The following PALS1 variants were observed in gnomAD, a reference collection of about 807,000 sequenced individuals.
The protein encoded by PALS1 is protein associated with LIN7 1, MAGUK p55 family member.
In PALS1, 31 loss-of-function variants were observed where a neutral mutation model predicts 78.9. The observed-to-expected ratio is 0.39, with a 90% CI of 0.30 to 0.53. The LOEUF (loss-of-function observed/expected upper bound fraction) is 0.53, where lower values mean the gene tolerates loss of function less well. Among genes scored for constraint, PALS1 ranks in the 20% least tolerant of loss-of-function variants. The pLI is 0.67. For missense variants in PALS1, 704 were observed against 826.5 expected (o/e 0.85, Z 1.82); for synonymous variants, 276 against 270.9 (o/e 1.02, Z -0.18).
At chr14:67,331,467 G>A (rs756146663) in intron 14 of PALS1, among the ~76,000 whole-genome samples, 10 of 152,010 alleles carry the variant, frequency 6.6e-5, no homozygotes, top group African/African-American at 2.2e-4. Context: ...GTAACCAACC[G>A]GTTATCTAGT....
intron 14 of PALS1, among the ~76,000 whole-genome samples, chr14:67,326,269 T>C (rs1254679876): frequency 9.0e-5 from 11 of 122,704 alleles, no homozygotes; most frequent in Admixed American, 2.8e-4. Context: ...TGAGAGGAGA[T>C]TCTATATGTC....
At chr14:67,259,316 G>A (rs538436321) in intron 1 of PALS1, among the ~76,000 whole-genome samples, 3 of 152,014 alleles carry the variant, frequency 2.0e-5, no homozygotes, top group East Asian at 3.9e-4. Flanking sequence ...CTACTTTTAA[G>A]TGAGTAAGGC....
intron 9 of PALS1, among the ~76,000 whole-genome samples, chr14:67,314,961 A>G (rs2140961903): frequency 6.6e-6 from 1 of 152,234 alleles, no homozygotes; most frequent in African/African-American, 2.4e-5. Context: ...TTTAAAAATT[A>G]GCTGGGCATG....
At chr14:67,322,155 G>A (rs1442961763) in intron 13 of PALS1, among the ~76,000 whole-genome samples, 3 of 152,050 alleles carry the variant, frequency 2.0e-5, no homozygotes, top group Non-Finnish European at 4.4e-5. Context: ...AGACCAGCCT[G>A]GGCAACACGG....
chr14:67,273,530 C>T (rs1401672052), intron 2 of PALS1, among the ~76,000 whole-genome samples: 1 of 152,112 alleles, frequency 6.6e-6, no homozygotes, highest in Non-Finnish European at 1.5e-5. Context: ...CATTGATGGA[C>T]ATTTGGGTTG....
chr14:67,272,118 T>A (rs1369921727), intron 2 of PALS1: 2 of 151,804 alleles, frequency 1.3e-5, no homozygotes, highest in Non-Finnish European at 1.5e-5. Flanking sequence ...TAGCCAGGGG[T>A]AAATAATTAA....
rs146612166 is a variant in PALS1 at position 67,253,895 on chromosome 14, C to T, written c.-237+12362C>T. On this transcript the variant is annotated intron_variant, in intron 1 of 14. Coordinates refer to ENST00000261681, the MANE Select transcript of PALS1 (RefSeq NM_022474.4). ...AGAGTTCAGTTTCATTATGGTGATT[C>T]AAAATCTTAGGCTTGGATAGAGCAT... Among the ~76,000 whole-genome samples, 502 of 147,554 alleles carry T rather than the reference C, an allele frequency of 3.4e-3. 1 individual carries two copies. Among genetic ancestry groups the T allele is most frequent in the African/African-American group, 0.012 (478 of 40,474 alleles).
At chr14:67,261,952 A>C (rs960985330) in intron 1 of PALS1, among the ~76,000 whole-genome samples, 1 of 152,154 alleles carries the variant, frequency 6.6e-6, no homozygotes, top group African/African-American at 2.4e-5. Context: ...CAAAAAAAGG[A>C]TGGGATTTTG....
At chr14:67,272,910 C>A (rs118059972) in intron 2 of PALS1, among the ~76,000 whole-genome samples, 1,675 of 152,202 alleles carry the variant, frequency 0.011, 19 homozygotes, top group Middle Eastern at 0.017. Context: ...CTTAAGTGAT[C>A]CACAGCCTCA....
Position 67,279,335 on chromosome 14 carries a change from G to A in PALS1, c.165G>A (p.Gln55=). 1 of 1,613,960 alleles carries A rather than the reference G, an allele frequency of 6.2e-7. No homozygotes were observed. Among genetic ancestry groups the A allele is most frequent in the Non-Finnish European group, 8.5e-7 (1 of 1,179,974 alleles). Residue 55 remains glutamine (Q), a synonymous_variant, in exon 3 of 15, where the codon CAG becomes CAA. Coordinates refer to ENST00000261681, the MANE Select transcript of PALS1 (RefSeq NM_022474.4). ...TRMMPIRRSA[Q]LERIRQQQED... is the part of the protein sequence containing the mutation. Reference sequence around the variant, plus strand: ...TGATGCCAATACGTCGAAGTGCACAGTTGGAGCGTATTCGGCAACAACAGG... The same window carrying A: ...TGATGCCAATACGTCGAAGTGCACAATTGGAGCGTATTCGGCAACAACAGG...
chr14:67,326,612 C>A (rs1280557965), intron 14 of PALS1, among the ~76,000 whole-genome samples: 1 of 152,052 alleles, frequency 6.6e-6, no homozygotes, highest in Non-Finnish European at 1.5e-5. Flanking sequence ...TTTTCTTATG[C>A]CCCTTTGAAG....
chr14:67,257,184 C>T (rs1268797712), intron 1 of PALS1, among the ~76,000 whole-genome samples: 1 of 152,140 alleles, frequency 6.6e-6, no homozygotes, highest in East Asian at 1.9e-4. Flanking sequence ...ATCAGTCTTT[C>T]ACTGAATACA....
At chr14:67,315,600 A>T (rs1231280130) in intron 9 of PALS1, among the ~76,000 whole-genome samples, 3 of 152,100 alleles carry the variant, frequency 2.0e-5, no homozygotes, top group Non-Finnish European at 4.4e-5. Flanking sequence ...TACTCTTAAA[A>T]TTTTCCTTCT....
rs764927892 is a variant in PALS1 at position 67,334,238 on chromosome 14, G to GAAAC, written c.*1284_*1287dup. ...TGCAACAGCTTGGTAAATCATAAAA[G>GAAAC]AAACATTTAAGCTAATAGGATTTTC... On this transcript the variant is annotated 3_prime_UTR_variant, in exon 15 of 15. Coordinates refer to ENST00000261681, the MANE Select transcript of PALS1 (RefSeq NM_022474.4). The GAAAC allele has an allele frequency of 2.0e-5, 3 of 152,696 alleles. No homozygotes were observed. Among genetic ancestry groups the GAAAC allele is most frequent in the African/African-American group, 7.2e-5 (3 of 41,560 alleles). The allele number at this position is 152,696 out of a possible 1,614,324, so 9.5% of individuals were successfully genotyped here.
intron 3 of PALS1, 111 bp from the exon 4 acceptor site, chr14:67,292,400 A>AT: frequency 1.4e-6 from 1 of 692,122 alleles, no homozygotes; most frequent in Non-Finnish European, 2.4e-6. Context: ...AGATTTTGGT[A>AT]TTTTTCTGAA....
chr14:67,321,834 CTT>C (rs1320037494), intron 13 of PALS1, among the ~76,000 whole-genome samples: 1 of 152,046 alleles, frequency 6.6e-6, no homozygotes, highest in Non-Finnish European at 1.5e-5. Flanking sequence ...TGTTCTGAAA[CTT>C]AAAATACAGT....
chr14:67,273,759 T>G (rs1302705696), intron 2 of PALS1, among the ~76,000 whole-genome samples: 3 of 152,232 alleles, frequency 2.0e-5, no homozygotes, highest in South Asian at 4.1e-4. Flanking sequence ...AGTGTTCCTG[T>G]TTCTCCACAT....
rs2085452441 is a variant in PALS1 at position 67,331,722 on chromosome 14, G to A, written c.1852-1058G>A. 2.6e-5 allele frequency among the ~76,000 whole-genome samples: 4 copies of A among 152,132 alleles called. No homozygotes were observed. In the South Asian group the frequency reaches 8.3e-4, roughly 32 times the overall value. ...GCCTTAAATTTGATAAAAACTAGGT[G>A]GATTCGGGCTTTATCATTTTCATTT... On this transcript the variant is annotated intron_variant, in intron 14 of 14. Coordinates refer to ENST00000261681, the MANE Select transcript of PALS1 (RefSeq NM_022474.4).
intron 1 of PALS1, among the ~76,000 whole-genome samples, chr14:67,257,997 G>A (rs900075048): frequency 6.6e-6 from 1 of 151,950 alleles, no homozygotes; most frequent in African/African-American, 2.4e-5. Context: ...GATTGTCATT[G>A]AATAATTTGG....
Sources: allele counts gnomAD v4.1 joint callset (sites outside exome capture counted in the v4.1 genomes callset), GRCh38; gene constraint gnomAD v4.1.1; transcripts MANE v1.5; gene names NCBI Gene and HGNC (gene_info 2026-07-23, HGNC 2026-07-21).